Variants in PRKX observed in about 807,000 individuals in gnomAD.
PRKX encodes cAMP-dependent protein kinase catalytic subunit PRKX.
A neutral mutation model predicts 22.0 loss-of-function variants in PRKX; 12 were observed. The observed-to-expected ratio is 0.54, with a 90% confidence interval of 0.35 to 0.88. PRKX has a LOEUF of 0.88. Ranked by LOEUF, PRKX falls within the 40% of genes least tolerant of loss-of-function variation. The pLI, the probability that PRKX is intolerant of heterozygous loss-of-function variation, is 0.01. For missense variants in PRKX, 217 were observed against 308.0 expected (o/e 0.70, Z 2.21); for synonymous variants, 134 against 137.7 (o/e 0.97, Z 0.19).
At chrX:3,627,706 C>T (rs921890197) in intron 4 of PRKX, among the ~76,000 whole-genome samples, 1 of 110,674 alleles carries the variant, frequency 9.0e-6, no homozygotes, top group Non-Finnish European at 1.9e-5. Flanking sequence ...TCAAGTGATC[C>T]ACCCAGCTTG....
intron 1 of PRKX, among the ~76,000 whole-genome samples, chrX:3,699,229 G>A (rs1396564269): frequency 9.2e-6 from 1 of 109,033 alleles, no homozygotes; most frequent in African/African-American, 3.3e-5. Context: ...GAGAGACGGG[G>A]TTTCACCATG....
chrX:3,606,874 G>A lies in PRKX; in HGVS notation c.*2095C>T, dbSNP rs1372741283. On this transcript the variant is annotated 3_prime_UTR_variant, in exon 9 of 9. Coordinates refer to ENST00000262848, the MANE Select transcript of PRKX (RefSeq NM_005044.5). ...CACACCATCACACGTTCTTGGAATC[G>A]CTTCTAATTTCTCATTTGTTCTGTA... The A allele has an allele frequency of 3.6e-5, 4 of 111,545 alleles. No individual in the cohort carries two copies. Among genetic ancestry groups the A allele is most frequent in the Non-Finnish European group, 7.5e-5 (4 of 53,170 alleles). 9.2% of individuals were successfully genotyped at this position (111,545 alleles called of 1,213,427 possible).
At chrX:3,618,349 G>A (rs1343683852) in intron 6 of PRKX, among the ~76,000 whole-genome samples, 1 of 111,187 alleles carries the variant, frequency 9.0e-6, no homozygotes, top group African/African-American at 3.3e-5. Flanking sequence ...TGGGTGCAGT[G>A]GCTCTTGCCT....
chrX:3,628,293 A>G (rs1926702267), intron 4 of PRKX, among the ~76,000 whole-genome samples: 1 of 111,051 alleles, frequency 9.0e-6, no homozygotes. Context: ...AGGATACAAA[A>G]TTACAAGCAG....
intron 1 of PRKX, among the ~76,000 whole-genome samples, chrX:3,678,651 G>A (rs143549661): frequency 6.4e-4 from 72 of 111,755 alleles, no homozygotes; most frequent in African/African-American, 2.0e-3. Context: ...GAAGTATGTC[G>A]GTAAACAACC....
At chrX:3,682,409 C>T (rs6641840) in intron 1 of PRKX, among the ~76,000 whole-genome samples, 18,985 of 110,191 alleles carry the variant, frequency 0.17, 1,354 homozygotes, top group East Asian at 0.42. Context: ...TAGTTGCAAA[C>T]AGGGTCTTTG....
At chrX:3,666,106 G>A (rs1305342522) in intron 2 of PRKX, among the ~76,000 whole-genome samples, 1 of 108,230 alleles carries the variant, frequency 9.2e-6, no homozygotes, top group African/African-American at 3.4e-5. Context: ...CGCCTCCTGG[G>A]TTGAAGTGAT....
chrX:3,638,793 A>G (rs1036605752), intron 4 of PRKX, among the ~76,000 whole-genome samples: 25 of 109,499 alleles, frequency 2.3e-4, no homozygotes, highest in Admixed American at 1.5e-3. Context: ...AGGTAGATAG[A>G]TGATTGATAG....
In PRKX at chrX:3,674,781, A is replaced by G. The variant is rs1371311175; in HGVS notation, c.167-15T>C. ...CGTCCCAGTGCCTGGAGAGAGAAGA[A>G]ATCGACAGAGGTCATTAAGTCTTCC... On this transcript the variant is annotated splice_polypyrimidine_tract_variant and intron_variant, in intron 1 of 8. Transcript: ENST00000262848. The G allele has an allele frequency of 8.3e-7, 1 of 1,207,009 alleles. No homozygotes were observed. Among genetic ancestry groups the G allele is most frequent in the Non-Finnish European group, 1.1e-6 (1 of 892,344 alleles).
intron 1 of PRKX, among the ~76,000 whole-genome samples, chrX:3,704,788 A>C (rs1358305894): frequency 1.8e-5 from 2 of 112,037 alleles, no homozygotes; most frequent in Non-Finnish European, 3.8e-5. Context: ...TTACAGGCTG[A>C]ATAGTACTCC....
chrX:3,611,466 T>G (rs868861722), intron 8 of PRKX: 1 of 112,343 alleles, frequency 8.9e-6, no homozygotes, highest in South Asian at 3.7e-4. Flanking sequence ...AAAGATCTAA[T>G]TGAAGCCATA....
In PRKX at chrX:3,655,400, C is replaced by G. The variant is rs866666364; in HGVS notation, c.348G>C (p.Trp116Cys). ...HPFLIRLFWT[W>C]HDERFLYMLM... ...GCATGTAGAGGAAGCGCTCGTCATGCCACGTCCAGAACCTGCGGGGACAGA... is the reference window on the plus strand; with the variant it reads ...GCATGTAGAGGAAGCGCTCGTCATGGCACGTCCAGAACCTGCGGGGACAGA... The change falls in exon 3 of 9, where the codon TGG becomes TGC. Residue 116 changes from tryptophan to cysteine, a missense_variant. Trp to Cys is a radical substitution (Grantham distance 215). Transcript: ENST00000262848. 6.6e-6 allele frequency: 8 copies of G among 1,210,836 alleles called. No homozygotes were observed. The highest frequency in any genetic ancestry group is 8.9e-6 in the Non-Finnish European group (8 of 895,392).
chrX:3,617,054 A>G (rs1293887727), intron 6 of PRKX, among the ~76,000 whole-genome samples: 1 of 111,063 alleles, frequency 9.0e-6, no homozygotes, highest in Non-Finnish European at 1.9e-5. Context: ...ACACATTAAT[A>G]TATACACATA....
At chrX:3,649,127 G>A (rs1045523404) in intron 3 of PRKX, among the ~76,000 whole-genome samples, 4 of 111,143 alleles carry the variant, frequency 3.6e-5, no homozygotes, top group African/African-American at 6.6e-5. Context: ...GGCTCACAGC[G>A]CAAAGGAAAT....
intron 4 of PRKX, among the ~76,000 whole-genome samples, chrX:3,629,906 T>C (rs766548226): frequency 8.0e-5 from 9 of 112,182 alleles, no homozygotes; most frequent in Admixed American, 3.8e-4. Context: ...TAACTGAGAC[T>C]GGGTAGTCTG....
intron 1 of PRKX, among the ~76,000 whole-genome samples, chrX:3,703,556 C>T (rs1473170044): frequency 2.7e-5 from 3 of 111,044 alleles, no homozygotes; most frequent in African/African-American, 9.8e-5. Context: ...TACATCTTCG[C>T]TAAAGGTGTT....
At chrX:3,611,876 G>A (rs3815596) in intron 8 of PRKX, among the ~76,000 whole-genome samples, 50,260 of 110,045 alleles carry the variant, frequency 0.46, 9,030 homozygotes, top group African/African-American at 0.64. Flanking sequence ...AGAGGAGCTG[G>A]GCTTCTCAAA....
rs926516129 is a variant in PRKX at position 3,608,111 on chromosome X, G to A, written c.*858C>T. Reference sequence around the variant, plus strand: ...TTCCCAGACTGGTCTCCAACTCCTGGGCTCAAGCAATCCACCCACCTCAGC... The same window carrying A: ...TTCCCAGACTGGTCTCCAACTCCTGAGCTCAAGCAATCCACCCACCTCAGC... On this transcript the variant is annotated 3_prime_UTR_variant, in exon 9 of 9. Coordinates refer to ENST00000262848, the MANE Select transcript of PRKX (RefSeq NM_005044.5). The A allele has an allele frequency of 9.1e-6, 1 of 109,392 alleles. No homozygotes were observed. The highest frequency in any genetic ancestry group is 1.9e-5 in the Non-Finnish European group (1 of 52,681). The allele number at this position is 109,392 out of a possible 1,213,427, so 9.0% of individuals were successfully genotyped here. A position where few individuals can be genotyped will look rare whatever the true frequency, so the allele number is the denominator to read the frequency against.
At chrX:3,666,068 C>T (rs777856973) in intron 2 of PRKX, among the ~76,000 whole-genome samples, 40 of 107,071 alleles carry the variant, frequency 3.7e-4, no homozygotes, top group Non-Finnish European at 6.5e-4. Flanking sequence ...TAGAGTGCAG[C>T]GACACAATCT....
Sources: gnomAD v4.1 joint callset for allele counts (sites outside exome capture counted in the v4.1 genomes callset) on GRCh38, gnomAD v4.1.1 for gene constraint, MANE v1.5 for transcripts, NCBI Gene and HGNC (gene_info 2026-07-23, HGNC 2026-07-21) for gene names.